Variants in PHF6 observed in about 807,000 individuals in gnomAD.
PHF6 encodes the protein PHD finger protein 6.
PHF6 carries 7 observed loss-of-function variants against 34.0 expected under a neutral mutation model. The ratio of observed to expected loss-of-function variants is 0.21; its 90% CI spans 0.12 to 0.39. The LOEUF (loss-of-function observed/expected upper bound fraction) is 0.39. Ranked by LOEUF, PHF6 falls within the 10% of genes least tolerant of loss-of-function variation. The pLI is 1.00. For synonymous variants in PHF6, 89 were observed against 88.4 expected, an observed-to-expected ratio of 1.01 and a Z score of -0.04; for missense variants, 128 against 262.8, an observed-to-expected ratio of 0.49 and a Z score of 3.55.
At chrX:134,399,967 A>G (rs1483742191) in intron 5 of PHF6, among the ~76,000 whole-genome samples, 1 of 111,968 alleles carries the variant, frequency 8.9e-6, no homozygotes, top group Admixed American at 9.5e-5. Context: ...TGATACTGAT[A>G]CCACTGATAC....
chrX:134,394,422 G>A (rs1436713257), intron 5 of PHF6, among the ~76,000 whole-genome samples: 1 of 110,972 alleles, frequency 9.0e-6, no homozygotes, highest in Admixed American at 9.6e-5. Context: ...GTGAGCCATC[G>A]TGCCCGACCA....
intron 3 of PHF6, among the ~76,000 whole-genome samples, chrX:134,390,487 A>C (rs779548940): frequency 8.9e-6 from 1 of 112,445 alleles, no homozygotes; most frequent in Admixed American, 9.5e-5. Context: ...GTATTTCACC[A>C]TAGCAGCTTA....
rs2077265243 is a variant in PHF6, at chrX:134,373,363, G to A, written c.-151G>A. 1 of 112,795 alleles carries A rather than the reference G, an allele frequency of 8.9e-6. No individual in the cohort carries two copies. The allele number at this position is 112,795 out of a possible 1,213,427, so 9.3% of individuals were successfully genotyped here. ...CTCGAATGAAAGGAAACAACCTCCGGCGACAGAGCCCCGCTCTCAGGCACT... is the reference window on the plus strand; with the variant it reads ...CTCGAATGAAAGGAAACAACCTCCGACGACAGAGCCCCGCTCTCAGGCACT... On this transcript the variant is annotated 5_prime_UTR_variant, in exon 1 of 11. Coordinates refer to ENST00000370803, the MANE Select transcript of PHF6 (RefSeq NM_001015877.2).
intron 5 of PHF6, among the ~76,000 whole-genome samples, chrX:134,396,227 T>C (rs1008904941): frequency 1.8e-5 from 2 of 111,668 alleles, no homozygotes; most frequent in African/African-American, 6.5e-5. Context: ...GACTATGTTA[T>C]GCTGTATGTT....
chrX:134,382,606 T>TTGCCTAGGCTGGATTGCA (rs1569335630), intron 3 of PHF6, among the ~76,000 whole-genome samples: 1 of 104,515 alleles, frequency 9.6e-6, no homozygotes, highest in Admixed American at 1.0e-4. Context: ...TTCCCTCTTG[T>TTGCCTAGGCTGGATTGCA]TGCCTAGGCT....
chrX:134,425,422 T>G, intron 10 of PHF6, 92 bp downstream of exon 10: 1 of 1,029,398 alleles, frequency 9.7e-7, no homozygotes, highest in Non-Finnish European at 1.4e-6. Flanking sequence ...AAGATTTTTT[T>G]TAATCCTATT....
intron 3 of PHF6, among the ~76,000 whole-genome samples, chrX:134,385,614 A>G (rs779384932): frequency 8.9e-6 from 1 of 112,318 alleles, no homozygotes; most frequent in Non-Finnish European, 1.9e-5. Context: ...TATAAATTGA[A>G]CAGGGAAGTC....
chrX:134,420,890 G>A (rs2077489445), intron 9 of PHF6, among the ~76,000 whole-genome samples: 1 of 111,207 alleles, frequency 9.0e-6, no homozygotes, highest in African/African-American at 3.3e-5. Context: ...CACCATGCCT[G>A]GCCAAAAATT....
intron 5 of PHF6, among the ~76,000 whole-genome samples, chrX:134,409,393 T>C (rs1214755531): frequency 8.9e-6 from 1 of 111,917 alleles, no homozygotes; most frequent in Non-Finnish European, 1.9e-5. Context: ...GCCAGTGGTT[T>C]AACTGCTATT....
At chrX:134,386,416 T>TTC (rs2077331650) in intron 3 of PHF6, among the ~76,000 whole-genome samples, 2 of 103,014 alleles carry the variant, frequency 1.9e-5, no homozygotes, top group African/African-American at 7.0e-5. Flanking sequence ...CCCAGATGAT[T>TTC]TTTTTTTTTT....
At chrX:134,381,648 C>T (rs1220075271) in intron 3 of PHF6, among the ~76,000 whole-genome samples, 4 of 110,332 alleles carry the variant, frequency 3.6e-5, no homozygotes, top group African/African-American at 1.3e-4. Context: ...GCATGTGCCA[C>T]CATGCCCAGC....
chrX:134,414,882 A>G, intron 7 of PHF6, 134 bp from the exon 8 acceptor site: 3 of 517,507 alleles, frequency 5.8e-6, no homozygotes, highest in Non-Finnish European at 6.3e-6. Context: ...TATTAAAAAT[A>G]TTTGAGCAGA....
intron 7 of PHF6, 64 bp from the exon 8 acceptor site, chrX:134,414,952 T>C (rs1375322244): frequency 2.2e-6 from 2 of 890,123 alleles, no homozygotes; most frequent in Non-Finnish European, 3.2e-6. Context: ...ACACTTGTTA[T>C]CACATTTAAT....
chrX:134,376,490 A>G (rs1170105961), intron 1 of PHF6, among the ~76,000 whole-genome samples: 3 of 111,930 alleles, frequency 2.7e-5, no homozygotes, highest in African/African-American at 9.7e-5. Context: ...AAGAATCCAT[A>G]TTAAGATTGA....
chrX:134,425,352 G>A, intron 10 of PHF6, 22 bp downstream of exon 10: 1 of 1,206,690 alleles, frequency 8.3e-7, no homozygotes, highest in Non-Finnish European at 1.1e-6. Context: ...AATTATATGG[G>A]ATCTGTTGTC....
intron 9 of PHF6, chrX:134,418,958 T>G (rs914075792): frequency 4.6e-5 from 5 of 109,094 alleles, no homozygotes; most frequent in African/African-American, 1.7e-4. Flanking sequence ...TCCTCCCAAC[T>G]CAGCCTCCCG....
At chrX:134,414,756 A>G (rs906484544) in intron 7 of PHF6, among the ~76,000 whole-genome samples, 21 of 111,888 alleles carry the variant, frequency 1.9e-4, no homozygotes, top group African/African-American at 6.2e-4. Context: ...ATAGAGTGAC[A>G]TTGTTGAAAT....
chrX:134,402,226 C>T (rs1405897201), intron 5 of PHF6, among the ~76,000 whole-genome samples: 1 of 112,264 alleles, frequency 8.9e-6, no homozygotes, highest in Non-Finnish European at 1.9e-5. Context: ...CATCTCCTGA[C>T]CTCGTGATCC....
rs2077512870 is a variant in PHF6, at chrX:134,428,035, T to TA, written c.*2376dup. ...CATTATTTGATAAGTATATAACATT[T>TA]ACATCATTTCAAAAAATACTGCCGT... On this transcript the variant is annotated 3_prime_UTR_variant, in exon 11 of 11. Coordinates refer to ENST00000370803, the MANE Select transcript of PHF6 (RefSeq NM_001015877.2). The TA allele has an allele frequency of 6.4e-6, 1 of 156,915 alleles. No individual in the cohort carries two copies. The highest frequency in any genetic ancestry group is 1.3e-5 in the Non-Finnish European group (1 of 79,592). 12.9% of individuals were successfully genotyped at this position (156,915 alleles called of 1,213,427 possible). A position where few individuals can be genotyped will look rare whatever the true frequency, so the allele number is the denominator to read the frequency against.
Sources: gnomAD v4.1 joint callset for allele counts (sites outside exome capture counted in the v4.1 genomes callset) on GRCh38, gnomAD v4.1.1 for gene constraint, MANE v1.5 for transcripts, NCBI Gene and HGNC (gene_info 2026-07-23, HGNC 2026-07-21) for gene names.